The following SCYL2 variants were observed in gnomAD, a reference collection of about 807,000 sequenced individuals.
The protein encoded by SCYL2 is SCY1-like protein 2.
SCYL2 carries 36 observed loss-of-function variants against 100.4 expected under a neutral mutation model. That is an observed-to-expected ratio of 0.36 (90% CI 0.27 to 0.47). SCYL2 has a LOEUF of 0.47. SCYL2 is among the 20% of genes least tolerant of loss of function. The probability of loss-of-function intolerance (pLI) is 1.00; values close to 1 mark genes in which losing one functional copy is unlikely to be tolerated. For missense variants in SCYL2, 902 were observed against 1,083.9 expected (o/e 0.83, Z 2.36); for synonymous variants, 330 against 359.2 (o/e 0.92, Z 0.92).
rs117691500 is a variant in SCYL2, at chr12:100,339,348, G to A, written c.*176G>A. 1.7e-3 allele frequency: 1,075 copies of A among 620,882 alleles called. 3 individuals carry two copies. Among genetic ancestry groups the A allele is most frequent in the Admixed American group, 2.3e-3 (66 of 28,348 alleles). 38.5% of individuals were successfully genotyped at this position (620,882 alleles called of 1,614,324 possible). On this transcript the variant is annotated 3_prime_UTR_variant, in exon 18 of 18. Transcript: ENST00000360820. Reference sequence around the variant, plus strand: ...GTTGTATGGACTTCTAACCAGTTGAGTTTTTTAAAGCATTGAGGATTTTTT... The same window carrying A: ...GTTGTATGGACTTCTAACCAGTTGAATTTTTTAAAGCATTGAGGATTTTTT...
chr12:100,322,264 G>T (rs1345384075), intron 10 of SCYL2, among the ~76,000 whole-genome samples: 3 of 141,364 alleles, frequency 2.1e-5, no homozygotes, highest in African/African-American at 5.9e-5. Flanking sequence ...TCCCAGCTAC[G>T]CGGGAGGCTG....
At chr12:100,327,389 ATAGT>A (rs750361491) in intron 12 of SCYL2, among the ~76,000 whole-genome samples, 6 of 152,360 alleles carry the variant, frequency 3.9e-5, no homozygotes, top group Non-Finnish European at 8.8e-5. Context: ...TCATTTATAT[ATAGT>A]TAAAGTTATA....
chr12:100,321,121 A>G (rs919227861), intron 10 of SCYL2, among the ~76,000 whole-genome samples: 2 of 152,178 alleles, frequency 1.3e-5, no homozygotes, highest in Admixed American at 6.5e-5. Flanking sequence ...AATTTTATCA[A>G]TCACTTAATT....
chr12:100,333,841 A>G (rs890004274), intron 13 of SCYL2: 1 of 184,754 alleles, frequency 5.4e-6, no homozygotes, highest in Non-Finnish European at 1.1e-5. Flanking sequence ...GAAGATCAAT[A>G]TATAACTGCT....
chr12:100,313,036 G>A (rs913764301), intron 6 of SCYL2, among the ~76,000 whole-genome samples: 2 of 152,158 alleles, frequency 1.3e-5, no homozygotes, highest in Non-Finnish European at 2.9e-5. Flanking sequence ...GATCAGGGTG[G>A]GAGGATCACT....
At chr12:100,295,066 C>T (rs559070799) in intron 3 of SCYL2, among the ~76,000 whole-genome samples, 2,027 of 148,968 alleles carry the variant, frequency 0.014, 48 homozygotes, top group African/African-American at 0.046. Context: ...GATGGGGTGG[C>T]GGGGCAGAGG....
intron 14 of SCYL2, among the ~76,000 whole-genome samples, chr12:100,335,364 A>G (rs1952262413): frequency 6.6e-6 from 1 of 152,100 alleles, no homozygotes; most frequent in Non-Finnish European, 1.5e-5. Flanking sequence ...TGACAAGAGA[A>G]CCATGCTTGA....
intron 14 of SCYL2, 132 bp downstream of exon 14, chr12:100,334,398 T>C (rs1952249802): frequency 1.5e-6 from 1 of 653,228 alleles, no homozygotes; most frequent in East Asian, 2.7e-5. Context: ...ATTTCAAAAT[T>C]TACCATCATG....
chr12:100,303,050 T>C (rs976290632), intron 4 of SCYL2, among the ~76,000 whole-genome samples: 34 of 152,056 alleles, frequency 2.2e-4, no homozygotes, highest in Admixed American at 1.1e-3. Flanking sequence ...ATTCAGCTAT[T>C]AATAATTGTG....
At chr12:100,275,539 A>G (rs1247844636) in intron 1 of SCYL2, among the ~76,000 whole-genome samples, 1 of 152,196 alleles carries the variant, frequency 6.6e-6, no homozygotes, top group African/African-American at 2.4e-5. Flanking sequence ...GTATTCTACT[A>G]TATTGCCAAA....
intron 1 of SCYL2, among the ~76,000 whole-genome samples, chr12:100,272,179 G>C (rs1392798067): frequency 1.3e-5 from 2 of 152,202 alleles, no homozygotes; most frequent in Admixed American, 6.5e-5. Flanking sequence ...TGAATTTCAA[G>C]TGAATTATAA....
chr12:100,333,407 C>T (rs553420477), intron 13 of SCYL2, among the ~76,000 whole-genome samples: 2 of 152,056 alleles, frequency 1.3e-5, no homozygotes, highest in Non-Finnish European at 2.9e-5. Flanking sequence ...TATTAATGAA[C>T]CTACTTTGAA....
chr12:100,312,704 CTT>C (rs781090482), intron 6 of SCYL2, 51 bp downstream of exon 6: 1 of 1,365,462 alleles, frequency 7.3e-7, no homozygotes, highest in Admixed American at 2.1e-5. Flanking sequence ...TTAAATGTGT[CTT>C]TGATTTTTTT....
At chr12:100,269,705 A>G (rs774371310) in intron 1 of SCYL2, among the ~76,000 whole-genome samples, 4 of 152,130 alleles carry the variant, frequency 2.6e-5, no homozygotes, top group Non-Finnish European at 5.9e-5. Flanking sequence ...TTGGCATTTG[A>G]ACTCAGATTT....
intron 10 of SCYL2, among the ~76,000 whole-genome samples, chr12:100,322,257 C>T (rs1255216729): frequency 6.8e-6 from 1 of 147,924 alleles, no homozygotes. Context: ...CCTGTAGTCC[C>T]AGCTACGCGG....
At chr12:100,277,061 CTA>C (rs1566341556) in intron 1 of SCYL2, among the ~76,000 whole-genome samples, 2 of 151,936 alleles carry the variant, frequency 1.3e-5, no homozygotes, top group Non-Finnish European at 2.9e-5. Context: ...ATATTTTAAT[CTA>C]TTATTGATTT....
chr12:100,316,216 A>T (rs1208624265), intron 9 of SCYL2, among the ~76,000 whole-genome samples: 1 of 152,268 alleles, frequency 6.6e-6, no homozygotes, highest in African/African-American at 2.4e-5. Flanking sequence ...GCACCATGGG[A>T]ATAATGTGTA....
rs192587037 is a variant in SCYL2 at position 100,275,892 on chromosome 12, A to G, written c.-28-7051A>G. ...CTAAGAGTTTTTATTATGAATTGGT[A>G]TTGAATTTTGTCAGTTTTTTTTCTG... On this transcript the variant is annotated intron_variant, in intron 1 of 17. Coordinates refer to ENST00000360820, the MANE Select transcript of SCYL2 (RefSeq NM_017988.6). 4.8e-4 allele frequency among the ~76,000 whole-genome samples: 73 copies of G among 152,180 alleles called. 1 individual carries two copies. In the East Asian group the frequency reaches 0.012, roughly 25 times the overall value.
At chr12:100,294,115 G>A (rs2096314013) in intron 3 of SCYL2, among the ~76,000 whole-genome samples, 1 of 134,792 alleles carries the variant, frequency 7.4e-6, no homozygotes, top group Non-Finnish European at 1.7e-5. Context: ...CCGGGCAGAG[G>A]CGCCCCTCAC....
Sources: allele counts gnomAD v4.1 joint callset (sites outside exome capture counted in the v4.1 genomes callset), GRCh38; gene constraint gnomAD v4.1.1; transcripts MANE v1.5; gene names NCBI Gene and HGNC (gene_info 2026-07-23, HGNC 2026-07-21).